The following MBD1 variants were observed in gnomAD, a reference collection of about 807,000 sequenced individuals.
MBD1 encodes methyl-CpG-binding domain protein 1.
In MBD1, 25 loss-of-function variants were observed where a neutral mutation model predicts 82.6. The observed-to-expected ratio is 0.30, with a 90% confidence interval of 0.22 to 0.42. The LOEUF (loss-of-function observed/expected upper bound fraction) is 0.42, where lower values mean the gene tolerates loss of function less well. Among genes scored for constraint, MBD1 ranks in the 10% least tolerant of loss-of-function variants. MBD1 has a pLI of 1.00. For missense variants in MBD1, 627 were observed against 819.6 expected (o/e 0.76, Z 2.87); for synonymous variants, 301 against 303.7 (o/e 0.99, Z 0.09).
At chr18:50,274,448 C>T in intron 10 of MBD1, 95 bp from the exon 11 acceptor site, 1 of 1,366,220 alleles carries the variant, frequency 7.3e-7, no homozygotes, top group Non-Finnish European at 1.0e-6. Flanking sequence ...TCCTCTAGCC[C>T]CATAAGACGG....
rs770123767 is a variant in MBD1 at position 50,275,732 on chromosome 18, T to C, written c.664-4A>G. ...GGCATACTCCACACCCTCGGCTCTGTTGGCGGGGGGCAGGTGGGAGCAGAG... is the reference window on the plus strand; with the variant it reads ...GGCATACTCCACACCCTCGGCTCTGCTGGCGGGGGGCAGGTGGGAGCAGAG... On this transcript the variant is annotated splice_polypyrimidine_tract_variant and splice_region_variant and intron_variant, in intron 7 of 16. Coordinates refer to ENST00000269468, the MANE Select transcript of MBD1 (RefSeq NM_015846.4). 6.2e-7 allele frequency: 1 copy of C among 1,614,138 alleles called. No homozygotes were observed. The highest frequency in any genetic ancestry group is 2.2e-5 in the East Asian group (1 of 44,872).
intron 15 of MBD1, among the ~76,000 whole-genome samples, 183 bp from the exon 16 acceptor site, chr18:50,271,723 C>G (rs1007298928): frequency 2.0e-5 from 3 of 152,182 alleles, no homozygotes; most frequent in African/African-American, 7.2e-5. Flanking sequence ...AGATTATAAG[C>G]TCCCTGAAGG....
chr18:50,275,886 C>A lies in MBD1; in HGVS notation c.612G>T (p.Ser204=). The change falls in exon 7 of 17, where the codon TCG becomes TCT. Residue 204 remains serine, a synonymous_variant. Coordinates refer to ENST00000269468, the MANE Select transcript of MBD1 (RefSeq NM_015846.4). ...TCCGTTCACACTTGCAGAACAGCCC[C>A]GATGCCACATCATGGGGCAGCTGCA... ...CLLQLPHDVA[S]GLFCKCERRR... 6.2e-7 allele frequency: 1 copy of A among 1,614,182 alleles called. No individual in the cohort carries two copies. Among genetic ancestry groups the A allele is most frequent in the Non-Finnish European group, 8.5e-7 (1 of 1,180,024 alleles).
chr18:50,272,560 G>A (rs1296022960), intron 15 of MBD1, 117 bp downstream of exon 15: 14 of 1,075,392 alleles, frequency 1.3e-5, no homozygotes, highest in Non-Finnish European at 1.7e-5. Flanking sequence ...AGCATAGTGG[G>A]TATGGGCCTT....
At chr18:50,274,953 T>G (rs746930369) in intron 10 of MBD1, 24 bp downstream of exon 10, 26 of 1,613,076 alleles carry the variant, frequency 1.6e-5, no homozygotes, top group Non-Finnish European at 1.0e-5. Context: ...TCTAGGCTTA[T>G]CCAGGTAGGG....
chr18:50,276,226 A>C, intron 6 of MBD1, 152 bp downstream of exon 6: 1 of 871,652 alleles, frequency 1.1e-6, no homozygotes, highest in Non-Finnish European at 1.9e-6. Context: ...TTACCCCATT[A>C]ATTCCCATTA....
chr18:50,272,656 C>G (rs2036083247), intron 15 of MBD1, 21 bp downstream of exon 15: 1 of 1,613,234 alleles, frequency 6.2e-7, no homozygotes, highest in African/African-American at 1.3e-5. Flanking sequence ...CCTTCCCCAC[C>G]CCTCACTGTG....
Position 50,273,076 on chromosome 18 carries a change from G to C in MBD1, c.1585-121C>G, listed in dbSNP as rs1432023071. On this transcript the variant is annotated intron_variant, in intron 13 of 16. Transcript: ENST00000269468. ...CTTCCATCACATTTCAACACAGAAA[G>C]TCCATCTCTCTGCCTACAAAGCTTT... The C allele has an allele frequency of 2.9e-6, 4 of 1,362,350 alleles. No individual in the cohort carries two copies. The Admixed American group carries it at 5.7e-5, about 19-fold the overall frequency. The allele number at this position is 1,362,350 out of a possible 1,614,324, so 84.4% of individuals were successfully genotyped here. A position where few individuals can be genotyped will look rare whatever the true frequency, so the allele number is the denominator to read the frequency against.
At position 50,271,637 on chromosome 18, in the gene MBD1, C is replaced by G. The variant is rs779210581; in HGVS notation, c.1779-97G>C. 1.4e-4 allele frequency: 179 copies of G among 1,253,412 alleles called. 1 individual carries two copies. The highest frequency in any genetic ancestry group is 1.9e-4 in the Non-Finnish European group (164 of 853,508). The allele number at this position is 1,253,412 out of a possible 1,614,324, so 77.6% of individuals were successfully genotyped here. A position where few individuals can be genotyped will look rare whatever the true frequency, so the allele number is the denominator to read the frequency against. On this transcript the variant is annotated intron_variant, in intron 15 of 16. Coordinates refer to ENST00000269468, the MANE Select transcript of MBD1 (RefSeq NM_015846.4). ...TTTCCTACTATTCTGTGTCCTCCAT[C>G]CACTTCCCCTTAATTATCCTTTATC...
Position 50,273,352 on chromosome 18 carries a change from C to T in MBD1, c.1566G>A (p.Val522=). Residue 522 remains valine, a synonymous_variant, in exon 13 of 17, where the codon GTG becomes GTA. Coordinates refer to ENST00000269468, the MANE Select transcript of MBD1 (RefSeq NM_015846.4). ...GTAVLTSPVL[V]PGCPSKAVDP... ...CCCCCACCTTGCTAGGGCAGCCAGG[C>T]ACCAATACGGGAGAAGTCAGGACAG... is the stretch of plus-strand genomic sequence containing the variant. 6.2e-7 allele frequency: 1 copy of T among 1,614,186 alleles called. No homozygotes were observed. Among genetic ancestry groups the T allele is most frequent in the Non-Finnish European group, 8.5e-7 (1 of 1,180,038 alleles).
chr18:50,272,435 A>G (rs1467460441), intron 15 of MBD1: 4 of 564,758 alleles, frequency 7.1e-6, no homozygotes, highest in Non-Finnish European at 1.3e-5. Flanking sequence ...CTCATGATAG[A>G]GTACCAAGTC....
chr18:50,273,966 G>T, intron 11 of MBD1, 103 bp from the exon 12 acceptor site: 1 of 1,478,200 alleles, frequency 6.8e-7, no homozygotes, highest in Non-Finnish European at 9.3e-7. Context: ...GTCCCAGCAC[G>T]GAATCTGCTT....
intron 15 of MBD1, among the ~76,000 whole-genome samples, chr18:50,272,126 C>T (rs1168258650): frequency 1.3e-5 from 2 of 152,112 alleles, no homozygotes; most frequent in African/African-American, 2.4e-5. Flanking sequence ...CCACAGAGGC[C>T]GCTCCAGGAA....
Position 50,269,368 on chromosome 18 carries a change from AC to A in MBD1, c.*482del, listed in dbSNP as rs955157300. The A allele has an allele frequency of 7.7e-7, 1 of 1,306,450 alleles. No individual in the cohort carries two copies. The highest frequency in any genetic ancestry group is 1.5e-5 in the African/African-American group (1 of 66,936). 80.9% of individuals were successfully genotyped at this position (1,306,450 alleles called of 1,614,324 possible). On this transcript the variant is annotated 3_prime_UTR_variant, in exon 17 of 17. Coordinates refer to ENST00000269468, the MANE Select transcript of MBD1 (RefSeq NM_015846.4). ...CCTTGGTGAGGCTATGTTTCCCGGA[AC>A]TCTCTTCCAGTAAGATGGGCCACAA...
At position 50,277,120 on chromosome 18, in the gene MBD1, T is replaced by C; in HGVS notation, c.195A>G (p.Lys65=). 1 of 1,614,228 alleles carries C rather than the reference T, an allele frequency of 6.2e-7. No individual in the cohort carries two copies. Among genetic ancestry groups the C allele is most frequent in the Non-Finnish European group, 8.5e-7 (1 of 1,180,042 alleles). Residue 65 remains lysine, a synonymous_variant, in exon 3 of 17, where the codon AAA becomes AAG. Coordinates refer to ENST00000269468, the MANE Select transcript of MBD1 (RefSeq NM_015846.4). ...GGGCTGGATAGCACAAGATGCCTTG[T>C]TTGAAGTCGAAGAGGGTGAGATCAC... ...PACDLTLFDF[K]QGILCYPAPK...
intron 2 of MBD1, among the ~76,000 whole-genome samples, chr18:50,279,167 G>A (rs1029954371): frequency 2.0e-5 from 3 of 152,190 alleles, no homozygotes; most frequent in Non-Finnish European, 4.4e-5. Context: ...TCCTAACCCA[G>A]GGTAACATGA....
Position 50,273,879 on chromosome 18 carries a change from G to C in MBD1, c.1147-16C>G. 6.2e-7 allele frequency: 1 copy of C among 1,610,394 alleles called. No homozygotes were observed. The highest frequency in any genetic ancestry group is 8.5e-7 in the Non-Finnish European group (1 of 1,179,904). ...GCAGCCGCTTCTATGGGGAAAGATA[G>C]GGTGCTATGGCTACCTGGTGTCCTG... On this transcript the variant is annotated splice_polypyrimidine_tract_variant and intron_variant, in intron 11 of 16. Transcript: ENST00000269468.
chr18:50,274,450 A>G (rs1312914640), intron 10 of MBD1, 97 bp from the exon 11 acceptor site: 5 of 1,342,524 alleles, frequency 3.7e-6, no homozygotes, highest in Admixed American at 2.0e-5. Context: ...CTCTAGCCCC[A>G]TAAGACGGAG....
Position 50,273,607 on chromosome 18 carries a change from T to TGCACAGGACTGCTTGCGCCTTCCC in MBD1, c.1379_1402dup (p.Arg460_Val467dup). ...GGAAGCTGCAACAGGGCCCGGCACCTGCACAGGACTGCTTGCGCCTTCCCG... is the reference window on the plus strand; with the variant it reads ...GGAAGCTGCAACAGGGCCCGGCACCTGCACAGGACTGCTTGCGCCTTCCCGCACAGGACTGCTTGCGCCTTCCCG... On this transcript the variant is annotated inframe_insertion, in exon 12 of 17. Transcript: ENST00000269468. 6.2e-7 allele frequency: 1 copy of TGCACAGGACTGCTTGCGCCTTCCC among 1,613,274 alleles called. No homozygotes were observed. Among genetic ancestry groups the TGCACAGGACTGCTTGCGCCTTCCC allele is most frequent in the Non-Finnish European group, 8.5e-7 (1 of 1,180,002 alleles).
Sources: allele counts gnomAD v4.1 joint callset (sites outside exome capture counted in the v4.1 genomes callset), GRCh38; gene constraint gnomAD v4.1.1; transcripts MANE v1.5; gene names NCBI Gene and HGNC (gene_info 2026-07-23, HGNC 2026-07-21).